The following PIGG variants were observed in gnomAD, a reference collection of about 807,000 sequenced individuals.
PIGG encodes the protein GPI ethanolamine phosphate transferase 2, catalytic subunit.
PIGG carries 70 observed loss-of-function variants against 83.2 expected under a neutral mutation model. The ratio of observed to expected loss-of-function variants is 0.84; its 90% confidence interval spans 0.69 to 1.03. The LOEUF (loss-of-function observed/expected upper bound fraction) is 1.03. Among genes scored for constraint, PIGG ranks in the 50% least tolerant of loss-of-function variants. The pLI, the probability that PIGG is intolerant of heterozygous loss-of-function variation, is 0.00. For synonymous variants in PIGG, 532 were observed against 519.5 expected (o/e 1.02, Z -0.33); for missense variants, 1,257 against 1,233.6 (o/e 1.02, Z -0.28).
rs1207484287 is a variant in PIGG at position 523,487 on chromosome 4, C to T, written c.1643C>T (p.Ser548Leu). The T allele has an allele frequency of 1.2e-6, 2 of 1,611,456 alleles. No individual in the cohort carries two copies. Among genetic ancestry groups the T allele is most frequent in the Admixed American group, 3.3e-5 (2 of 59,866 alleles). The change falls in exon 9 of 13, where the codon TCA becomes TTA. Residue 548 changes from serine to leucine, a missense_variant. Ser to Leu is a moderately radical substitution (Grantham distance 145). Transcript: ENST00000453061. ...KNPMHPSSRW[S>L]ELDLLILLGT... is the part of the protein sequence containing the mutation. ...CCCATGCATCCCAGCTCAAGGTGGTCAGAGCTAGACCTTCTTATTCTGTTG... is the reference window on the plus strand; with the variant it reads ...CCCATGCATCCCAGCTCAAGGTGGTTAGAGCTAGACCTTCTTATTCTGTTG...
At chr4:504,570 G>A (rs1292673668) in intron 2 of PIGG, among the ~76,000 whole-genome samples, 4 of 152,108 alleles carry the variant, frequency 2.6e-5, no homozygotes, top group Non-Finnish European at 4.4e-5. Context: ...AGATTTTGCC[G>A]AGCTCCTCCC....
Position 521,768 on chromosome 4 carries a change from C to T in PIGG, c.1441C>T (p.Leu481=), listed in dbSNP as rs1333417722. ...TTCTCTGCTCTTTTATTTGGTGATC[C>T]TGGTTCTTTCGGCCGTTCACGTCAT... is the stretch of plus-strand genomic sequence containing the variant. ...GFSLLFYLVI[L]VLSAVHVIVC... is the part of the protein sequence containing the mutation. The change falls in exon 8 of 13, where the codon CTG becomes TTG. Residue 481 remains leucine (L), a synonymous_variant. Transcript: ENST00000453061. 6.2e-7 allele frequency: 1 copy of T among 1,614,054 alleles called. No individual in the cohort carries two copies. The highest frequency in any genetic ancestry group is 1.3e-5 in the African/African-American group (1 of 74,920).
intron 12 of PIGG, chr4:537,122 C>G (rs1375756471): frequency 6.6e-6 from 1 of 152,158 alleles, no homozygotes; most frequent in Non-Finnish European, 1.5e-5. Context: ...TTCTTCTTCC[C>G]TTTTAAAAGT....
chr4:520,977 C>T (rs374001210), intron 6 of PIGG, 79 bp from the exon 7 acceptor site: 121 of 1,004,514 alleles, frequency 1.2e-4, no homozygotes, highest in East Asian at 9.8e-4. Flanking sequence ...CATGCATAAC[C>T]GAATACTTTG....
intron 6 of PIGG, 73 bp from the exon 7 acceptor site, chr4:520,983 C>T: frequency 9.4e-7 from 1 of 1,060,362 alleles, no homozygotes; most frequent in South Asian, 1.3e-5. Context: ...TAACCGAATA[C>T]TTTGAGATTA....
At position 515,860 on chromosome 4, in the gene PIGG, T is replaced by C; in HGVS notation, c.902-113T>C. The C allele has an allele frequency of 2.5e-6, 2 of 798,180 alleles. No homozygotes were observed. Among genetic ancestry groups the C allele is most frequent in the South Asian group, 3.1e-5 (2 of 65,264 alleles). The allele number at this position is 798,180 out of a possible 1,614,324, so 49.4% of individuals were successfully genotyped here. ...TCCTGTACGATTCTGTGTTGAGTGG[T>C]GTGAAGAGACGGATCATTTGGCTCA... On this transcript the variant is annotated intron_variant, in intron 5 of 12. Coordinates refer to ENST00000453061, the MANE Select transcript of PIGG (RefSeq NM_001127178.3). The surrounding 1 kb of genome is among the most constrained non-coding windows in gnomAD (Gnocchi z 4.2).
At chr4:503,455 C>T (rs1341283938) in intron 2 of PIGG, among the ~76,000 whole-genome samples, 1 of 152,172 alleles carries the variant, frequency 6.6e-6, no homozygotes, top group Non-Finnish European at 1.5e-5. Flanking sequence ...TGTTCCCTTG[C>T]CCTTCATCCA....
intron 12 of PIGG, among the ~76,000 whole-genome samples, chr4:535,423 G>A (rs947956191): frequency 6.6e-6 from 1 of 152,222 alleles, no homozygotes; most frequent in Non-Finnish European, 1.5e-5. Context: ...CTGAAACCGC[G>A]CACCGCGGCC....
intron 9 of PIGG, chr4:524,780 CCT>C (rs1030182179): frequency 6.6e-6 from 1 of 152,140 alleles, no homozygotes; most frequent in African/African-American, 2.4e-5. Flanking sequence ...GTCTCAGCCC[CCT>C]GAGTAGCTGG....
In PIGG at chr4:527,203, G is replaced by A. The variant is rs1165250658; in HGVS notation, c.2234G>A (p.Trp745Ter). The A allele has an allele frequency of 6.2e-7, 1 of 1,603,946 alleles. No homozygotes were observed. Among genetic ancestry groups the A allele is most frequent in the South Asian group, 1.1e-5 (1 of 89,842 alleles). Residue 745 changes from tryptophan to a stop codon, truncating the protein, a stop_gained, in exon 10 of 13, where the codon TGG becomes TAG. Transcript: ENST00000453061. LOFTEE classifies it high-confidence loss of function. ...GCCATCGGGAGTGTCCGGTTCCCGT[G>A]GCGGCCGGACAGCAAGGACATTTCC... The part of the protein sequence containing the change: ...RAAIGSVRFP[W>*]RPDSKDISKG...
In PIGG at chr4:528,800, T is replaced by A; in HGVS notation, c.2261+1570T>A. On this transcript the variant is annotated intron_variant, in intron 10 of 12. Coordinates refer to ENST00000453061, the MANE Select transcript of PIGG (RefSeq NM_001127178.3). This position sits in a 1 kb window ranked among gnomAD's most constrained non-coding sequence, Gnocchi z 4.8. ...TTCCTGGCCTGCTTCCTGCAGCATGTAATTTGCTAGTGTCCAGAACTAGCC... is the reference window on the plus strand; with the variant it reads ...TTCCTGGCCTGCTTCCTGCAGCATGAAATTTGCTAGTGTCCAGAACTAGCC... 2 of 877,034 alleles carry A rather than the reference T, an allele frequency of 2.3e-6. No homozygotes were observed. Among genetic ancestry groups the A allele is most frequent in the Non-Finnish European group, 2.7e-6 (2 of 731,230 alleles). The allele number at this position is 877,034 out of a possible 1,614,324, so 54.3% of individuals were successfully genotyped here. A position where few individuals can be genotyped will look rare whatever the true frequency, so the allele number is the denominator to read the frequency against.
intron 4 of PIGG, 124 bp from the exon 5 acceptor site, chr4:508,705 A>G: frequency 1.2e-6 from 1 of 825,974 alleles, no homozygotes; most frequent in East Asian, 2.4e-5. Flanking sequence ...GGAAAAAAAA[A>G]TCTAATTCAT....
At chr4:531,736 C>G (rs1323189508) in intron 11 of PIGG, 1 of 152,500 alleles carries the variant, frequency 6.6e-6, no homozygotes, top group African/African-American at 2.4e-5. Context: ...CTTCTTAGCC[C>G]CGTCCTGGTG....
intron 3 of PIGG, among the ~76,000 whole-genome samples, chr4:506,374 G>GCCTGGT (rs1410005951): frequency 9.8e-5 from 15 of 152,292 alleles, no homozygotes; most frequent in African/African-American, 3.6e-4. Flanking sequence ...ACTGGGTGGG[G>GCCTGGT]CCTGGTCCTG....
rs751217862 is a variant in PIGG, at chr4:530,438, G to A, written c.2264G>A (p.Gly755Asp). ...WRPDSKDISK[G>D]IIEARFVYVF... is the part of the protein sequence containing the mutation. ...TAACTTGTTTTGCTCTTTTTTAGGGGTATTATTGAAGCTCGTTTTGTTTAT... is the reference window on the plus strand; with the variant it reads ...TAACTTGTTTTGCTCTTTTTTAGGGATATTATTGAAGCTCGTTTTGTTTAT... Residue 755 changes from glycine (G) to aspartate (D), a missense_variant and splice_region_variant, in exon 11 of 13, where the codon GGT becomes GAT. Gly to Asp is a moderately conservative substitution (Grantham distance 94). Transcript: ENST00000453061. 10 of 1,608,410 alleles carry A rather than the reference G, an allele frequency of 6.2e-6. No homozygotes were observed. In the South Asian group the frequency reaches 6.6e-5, roughly 11 times the overall value.
At chr4:534,052 C>A in intron 12 of PIGG, 71 bp downstream of exon 12, 1 of 1,396,248 alleles carries the variant, frequency 7.2e-7, no homozygotes, top group Non-Finnish European at 1.0e-6. Context: ...GTACTTTGTT[C>A]CAGATGCAAG....
intron 7 of PIGG, 143 bp downstream of exon 7, chr4:521,416 C>G (rs1725847199): frequency 2.8e-6 from 2 of 703,350 alleles, no homozygotes; most frequent in African/African-American, 3.6e-5. Flanking sequence ...CGTGGTGTGT[C>G]CTGATTTGTG....
chr4:510,391 C>T (rs1028186985), intron 5 of PIGG, among the ~76,000 whole-genome samples: 8 of 152,228 alleles, frequency 5.3e-5, no homozygotes, highest in Admixed American at 4.6e-4. Context: ...CGGTTTTCCA[C>T]CCTGGGCGGG....
Position 521,156 on chromosome 4 carries a change from C to T in PIGG, c.1215C>T (p.Gly405=), listed in dbSNP as rs752657650. The change falls in exon 7 of 13, where the codon GGC becomes GGT. Residue 405 remains glycine, a synonymous_variant. Coordinates refer to ENST00000453061, the MANE Select transcript of PIGG (RefSeq NM_001127178.3). Reference sequence around the variant, plus strand: ...ATTCAGAAGTCCTATTCAACCTGGGCTCCAAGGTTCTCAGGCAGTACCTGG... The same window carrying T: ...ATTCAGAAGTCCTATTCAACCTGGGTTCCAAGGTTCTCAGGCAGTACCTGG... ...EKHSEVLFNL[G]SKVLRQYLDA... is the part of the protein sequence containing the mutation. 8.7e-6 allele frequency: 14 copies of T among 1,613,676 alleles called. No homozygotes were observed. The highest frequency in any genetic ancestry group is 3.3e-5 in the Admixed American group (2 of 60,002).
Sources: gnomAD v4.1 joint callset for allele counts (sites outside exome capture counted in the v4.1 genomes callset) on GRCh38, gnomAD v4.1.1 for gene constraint, Gnocchi (gnomAD v3.1) non-coding constraint, MANE v1.5 for transcripts, NCBI Gene and HGNC (gene_info 2026-07-23, HGNC 2026-07-21) for gene names.